LRRC4C: variants seen among roughly 807,000 people sequenced by gnomAD.
The protein encoded by LRRC4C is leucine-rich repeat-containing protein 4C.
In LRRC4C, 5 loss-of-function variants were observed where a neutral mutation model predicts 33.6. The ratio of observed to expected loss-of-function variants is 0.15; its 90% CI spans 0.08 to 0.31. The LOEUF is 0.31. Among genes scored for constraint, LRRC4C ranks in the 10% least tolerant of loss-of-function variants. LRRC4C has a pLI of 1.00. For synonymous variants in LRRC4C, 329 were observed against 302.0 expected, an observed-to-expected ratio of 1.09 and a Z score of -0.93; for missense variants, 560 against 796.7, an observed-to-expected ratio of 0.70 and a Z score of 3.58.
chr11:40,845,536 TTCC>T (rs1953117829), intron 2 of LRRC4C, among the ~76,000 whole-genome samples: 1 of 152,222 alleles, frequency 6.6e-6, no homozygotes, highest in Non-Finnish European at 1.5e-5. Flanking sequence ...CTGCATAGTA[TTCC>T]ATGGTATATA....
intron 2 of LRRC4C, among the ~76,000 whole-genome samples, chr11:40,853,254 A>G (rs190126058): frequency 5.9e-4 from 89 of 152,110 alleles, no homozygotes; most frequent in Non-Finnish European, 1.1e-3. Flanking sequence ...TTACTATACT[A>G]TGCTTTGTAA....
At chr11:41,022,833 C>T (rs545161645) in intron 1 of LRRC4C, among the ~76,000 whole-genome samples, 1 of 151,934 alleles carries the variant, frequency 6.6e-6, no homozygotes, top group African/African-American at 2.4e-5. Context: ...ATTTTAGAAG[C>T]TATAAATGCC....
At chr11:40,715,153 C>T (rs778272968) in intron 2 of LRRC4C, among the ~76,000 whole-genome samples, 2 of 152,058 alleles carry the variant, frequency 1.3e-5, no homozygotes, top group Non-Finnish European at 2.9e-5. Context: ...TGAGCTGAGA[C>T]AAGATACATA....
intron 1 of LRRC4C, among the ~76,000 whole-genome samples, chr11:41,387,565 G>A (rs557338861): frequency 6.6e-6 from 1 of 151,796 alleles, no homozygotes; most frequent in South Asian, 2.1e-4. Flanking sequence ...ATTTTTTGAG[G>A]AGAGATGGTA....
At chr11:40,200,632 T>C (rs912501406) in intron 5 of LRRC4C, among the ~76,000 whole-genome samples, 1 of 151,266 alleles carries the variant, frequency 6.6e-6, no homozygotes, top group African/African-American at 2.4e-5. Context: ...TCAATAAACA[T>C]GCCTTTCTCA....
intron 2 of LRRC4C, among the ~76,000 whole-genome samples, chr11:40,829,196 A>G (rs1952298649): frequency 6.6e-6 from 1 of 152,022 alleles, no homozygotes; most frequent in Non-Finnish European, 1.5e-5. Context: ...ATGAAGTACA[A>G]TAAAGAGTAC....
intron 1 of LRRC4C, among the ~76,000 whole-genome samples, chr11:41,069,212 T>A (rs556929771): frequency 6.6e-6 from 1 of 152,294 alleles, no homozygotes; most frequent in East Asian, 1.9e-4. Context: ...TTCAATAAAA[T>A]TCAACATCCT....
In LRRC4C at chr11:41,201,793, T is replaced by C. The variant is rs2136266403; in HGVS notation, c.-496+257638A>G. Reference sequence around the variant, plus strand: ...TTTGGAAAAATGTTATTCAAAAATATCTATACAAAAATGAGCCACATTGGT... The same window carrying C: ...TTTGGAAAAATGTTATTCAAAAATACCTATACAAAAATGAGCCACATTGGT... On this transcript the variant is annotated intron_variant, in intron 1 of 6. Coordinates refer to ENST00000528697, the MANE Select transcript of LRRC4C (RefSeq NM_001258419.2). 2.0e-5 allele frequency among the ~76,000 whole-genome samples: 3 copies of C among 152,246 alleles called. No individual in the cohort carries two copies. In the Middle Eastern group the frequency reaches 0.01, roughly 518 times the overall value.
chr11:41,186,951 T>C (rs1945719270), intron 1 of LRRC4C, among the ~76,000 whole-genome samples: 1 of 152,308 alleles, frequency 6.6e-6, no homozygotes, highest in South Asian at 2.1e-4. Flanking sequence ...ATCAAACAGA[T>C]AATTCTGGAA....
intron 3 of LRRC4C, among the ~76,000 whole-genome samples, chr11:40,635,077 A>T (rs1253239598): frequency 6.6e-6 from 1 of 152,154 alleles, no homozygotes; most frequent in Non-Finnish European, 1.5e-5. Context: ...AGTCTAAGGC[A>T]GTCTTACAAA....
intron 5 of LRRC4C, among the ~76,000 whole-genome samples, chr11:40,216,207 T>C (rs1054009890): frequency 2.6e-5 from 4 of 152,142 alleles, no homozygotes; most frequent in African/African-American, 9.7e-5. Context: ...GGGTAAAGTT[T>C]TTATGTAAGT....
At chr11:41,298,669 GGT>G (rs1368896031) in intron 1 of LRRC4C, among the ~76,000 whole-genome samples, 1 of 151,998 alleles carries the variant, frequency 6.6e-6, no homozygotes, top group Non-Finnish European at 1.5e-5. Context: ...AAATTTAAGG[GGT>G]GCAAGTGCAG....
intron 2 of LRRC4C, among the ~76,000 whole-genome samples, chr11:40,671,594 T>G (rs1944114622): frequency 6.6e-6 from 1 of 151,930 alleles, no homozygotes; most frequent in Admixed American, 6.6e-5. Context: ...TGTCTGGAAC[T>G]CTCTTACCCA....
rs1300895573 is a variant in LRRC4C, at chr11:40,785,967, G to GT, written c.-406-137690dup. On this transcript the variant is annotated intron_variant, in intron 2 of 6. Coordinates refer to ENST00000528697, the MANE Select transcript of LRRC4C (RefSeq NM_001258419.2). ...CTGAAAATCAGCAAGTTTTGTTTTTGTTTTTTTCAGAATCCAGTGACTCCT... is the reference window on the plus strand; with the variant it reads ...CTGAAAATCAGCAAGTTTTGTTTTTGTTTTTTTTCAGAATCCAGTGACTCCT... Among the ~76,000 whole-genome samples the GT allele has an allele frequency of 5.9e-5, 9 of 151,960 alleles. No individual in the cohort carries two copies. The East Asian group carries it at 1.2e-3, about 20-fold the overall frequency.
intron 3 of LRRC4C, among the ~76,000 whole-genome samples, chr11:40,603,324 G>A (rs1960220124): frequency 6.6e-6 from 1 of 152,162 alleles, no homozygotes; most frequent in African/African-American, 2.4e-5. Flanking sequence ...GCCAAAGCAG[G>A]CAAGAAAAGA....
chr11:41,066,320 T>A (rs1391564915), intron 1 of LRRC4C, among the ~76,000 whole-genome samples: 1 of 151,706 alleles, frequency 6.6e-6, no homozygotes, highest in East Asian at 1.9e-4. Context: ...GATATCAGAG[T>A]CTGAAGACCA....
At chr11:40,553,208 G>T (rs946748024) in intron 3 of LRRC4C, among the ~76,000 whole-genome samples, 6 of 152,108 alleles carry the variant, frequency 3.9e-5, no homozygotes, top group Non-Finnish European at 7.4e-5. Flanking sequence ...GGAGACGGAG[G>T]TGGCAGTGAG....
At chr11:40,250,378 C>A (rs1032174263) in intron 4 of LRRC4C, among the ~76,000 whole-genome samples, 2 of 152,138 alleles carry the variant, frequency 1.3e-5, no homozygotes, top group African/African-American at 4.8e-5. Flanking sequence ...ACACTGACTT[C>A]TATTCCTTGG....
intron 2 of LRRC4C, among the ~76,000 whole-genome samples, chr11:40,654,669 T>C (rs1327839960): frequency 2.0e-5 from 3 of 152,152 alleles, no homozygotes; most frequent in Non-Finnish European, 4.4e-5. Context: ...GACTTTTGGG[T>C]TAATACCGAA....
Sources: gnomAD v4.1 joint callset for allele counts (sites outside exome capture counted in the v4.1 genomes callset) on GRCh38, gnomAD v4.1.1 for gene constraint, MANE v1.5 for transcripts, NCBI Gene and HGNC (gene_info 2026-07-23, HGNC 2026-07-21) for gene names.